The following CEMIP2 variants were observed in gnomAD, a reference collection of about 807,000 sequenced individuals.
The protein encoded by CEMIP2 is cell migration inducing hyaluronidase 2.
A neutral mutation model predicts 146.9 loss-of-function variants in CEMIP2; 79 were observed. That is an observed-to-expected ratio of 0.54 (90% CI 0.45 to 0.65). The LOEUF is 0.65. CEMIP2 is among the 30% of genes least tolerant of loss of function. CEMIP2 has a pLI of 0.00. For missense variants in CEMIP2, 1,596 were observed against 1,696.2 expected, an observed-to-expected ratio of 0.94 and a Z score of 1.04; for synonymous variants, 601 against 606.3, an observed-to-expected ratio of 0.99 and a Z score of 0.13.
At chr9:71,737,954 G>A (rs1349146053) in intron 5 of CEMIP2, among the ~76,000 whole-genome samples, 1 of 152,128 alleles carries the variant, frequency 6.6e-6, no homozygotes, top group Non-Finnish European at 1.5e-5. Context: ...AGAGACAGGA[G>A]CTATTATATT....
intron 12 of CEMIP2, among the ~76,000 whole-genome samples, chr9:71,718,676 A>G (rs1208067482): frequency 6.6e-6 from 1 of 152,048 alleles, no homozygotes; most frequent in Non-Finnish European, 1.5e-5. Flanking sequence ...TCCCGGGTTC[A>G]AGCATTTCTC....
intron 4 of CEMIP2, among the ~76,000 whole-genome samples, chr9:71,740,554 T>C (rs967189857): frequency 2.0e-5 from 3 of 152,200 alleles, no homozygotes; most frequent in Non-Finnish European, 2.9e-5. Context: ...ATCCATTTAC[T>C]TTCTCTTAAA....
intron 4 of CEMIP2, among the ~76,000 whole-genome samples, chr9:71,741,699 C>T (rs1189609176): frequency 3.3e-5 from 4 of 120,406 alleles, no homozygotes; most frequent in Non-Finnish European, 3.2e-5. Context: ...AGTGCAATGG[C>T]GTGATCTCGG....
rs1036273300 is a variant in CEMIP2, at chr9:71,766,727, CAGG to C, written c.-13+1627_-13+1629del. Among the ~76,000 whole-genome samples, 37 of 152,242 alleles carry C rather than the reference CAGG, an allele frequency of 2.4e-4. 2 individuals carry two copies. Among genetic ancestry groups the C allele is most frequent in the Non-Finnish European group, 2.9e-5 (2 of 68,044 alleles). ...CAGATTCTATTTCCCTGTCCACACA[CAGG>C]AGAGTCCTCAGCTCACTATCTCATT... On this transcript the variant is annotated intron_variant, in intron 1 of 23. Coordinates refer to ENST00000377044, the MANE Select transcript of CEMIP2 (RefSeq NM_013390.3).
intron 17 of CEMIP2, among the ~76,000 whole-genome samples, chr9:71,707,348 T>G (rs1289983478): frequency 2.0e-5 from 3 of 152,138 alleles, no homozygotes; most frequent in Non-Finnish European, 4.4e-5. Context: ...TTTTTAGTAT[T>G]TTTTATTTTT....
intron 7 of CEMIP2, among the ~76,000 whole-genome samples, chr9:71,732,080 G>T (rs371638404): frequency 0.07 from 10,655 of 151,276 alleles, 530 homozygotes; most frequent in South Asian, 0.19. Flanking sequence ...GTTTTGTTTT[G>T]TTTTTTGGTC....
chr9:71,720,140 T>C (rs1319588591), intron 12 of CEMIP2, among the ~76,000 whole-genome samples: 1 of 152,246 alleles, frequency 6.6e-6, no homozygotes, highest in Non-Finnish European at 1.5e-5. Context: ...CTGCTTTAAA[T>C]GTACTAGGTG....
At chr9:71,704,450 A>G (rs971022064) in intron 18 of CEMIP2, 145 bp downstream of exon 18, 3 of 771,794 alleles carry the variant, frequency 3.9e-6, no homozygotes, top group African/African-American at 3.5e-5. Flanking sequence ...TTCCATCAAC[A>G]CAAAATATAC....
rs536748034 is a variant in CEMIP2, at chr9:71,689,809, T to G, written c.3851+283A>C. On this transcript the variant is annotated intron_variant, in intron 22 of 23. Transcript: ENST00000377044. ...AAAATAAATAAAATAAAAAGTGGGATAGTAATGTTCCAAATAATGAGCTCT... is the reference window on the plus strand; with the variant it reads ...AAAATAAATAAAATAAAAAGTGGGAGAGTAATGTTCCAAATAATGAGCTCT... Among the ~76,000 whole-genome samples, 360 of 152,320 alleles carry G rather than the reference T, an allele frequency of 2.4e-3. 1 individual carries two copies. Among genetic ancestry groups the G allele is most frequent in the Middle Eastern group, 6.8e-3 (2 of 294 alleles).
At chr9:71,719,571 C>A (rs1161239401) in intron 12 of CEMIP2, among the ~76,000 whole-genome samples, 1 of 152,066 alleles carries the variant, frequency 6.6e-6, no homozygotes, top group Non-Finnish European at 1.5e-5. Flanking sequence ...GGAGACCAGT[C>A]AGAAGGATCT....
chr9:71,688,532 G>A (rs183532979), intron 22 of CEMIP2, among the ~76,000 whole-genome samples: 6 of 151,784 alleles, frequency 4.0e-5, no homozygotes, highest in South Asian at 4.2e-4. Flanking sequence ...GGGATTATAG[G>A]TGCCACCAAC....
chr9:71,755,313 C>A lies in CEMIP2; in HGVS notation c.-12-4928G>T, dbSNP rs574564727. Among the ~76,000 whole-genome samples, 7 of 146,158 alleles carry A rather than the reference C, an allele frequency of 4.8e-5. No individual in the cohort carries two copies. In the East Asian group the frequency reaches 1.4e-3, roughly 29 times the overall value. On this transcript the variant is annotated intron_variant, in intron 1 of 23. Coordinates refer to ENST00000377044, the MANE Select transcript of CEMIP2 (RefSeq NM_013390.3). ...ATTGCTTGAGGCCAGGAATTCAAGACCAGCCTGGGAACCTAGTGAGACACC... is the reference window on the plus strand; with the variant it reads ...ATTGCTTGAGGCCAGGAATTCAAGAACAGCCTGGGAACCTAGTGAGACACC...
chr9:71,743,356 C>G (rs1823978546), intron 4 of CEMIP2, among the ~76,000 whole-genome samples: 1 of 152,142 alleles, frequency 6.6e-6, no homozygotes, highest in Admixed American at 6.5e-5. Context: ...ACACAGGCAT[C>G]ACATTGCGGC....
At position 71,732,528 on chromosome 9, in the gene CEMIP2, A is replaced by G; in HGVS notation, c.1394-8T>C. ...GCAGGAACTGAGGGGTTTCTGGTTG[A>G]TATGAGCAAGGAAAAAAAAGAATAT... On this transcript the variant is annotated splice_region_variant and splice_polypyrimidine_tract_variant and intron_variant, in intron 6 of 23. Coordinates refer to ENST00000377044, the MANE Select transcript of CEMIP2 (RefSeq NM_013390.3). The G allele has an allele frequency of 6.3e-7, 1 of 1,577,924 alleles. No individual in the cohort carries two copies. The highest frequency in any genetic ancestry group is 8.6e-7 in the Non-Finnish European group (1 of 1,169,522).
chr9:71,732,542 A>C, intron 6 of CEMIP2, 22 bp from the exon 7 acceptor site: 3 of 1,569,762 alleles, frequency 1.9e-6, no homozygotes, highest in Non-Finnish European at 2.6e-6. Flanking sequence ...GAGCAAGGAA[A>C]AAAAAGAATA....
intron 12 of CEMIP2, among the ~76,000 whole-genome samples, chr9:71,721,032 A>G: frequency 6.6e-6 from 1 of 152,116 alleles, no homozygotes; most frequent in East Asian, 1.9e-4. Flanking sequence ...TACTCTATTC[A>G]TATATATACA....
intron 19 of CEMIP2, among the ~76,000 whole-genome samples, chr9:71,699,034 TAAAA>T (rs34810834): frequency 1.9e-4 from 25 of 132,848 alleles, no homozygotes; most frequent in Non-Finnish European, 3.5e-4. Context: ...CTGAGAGCAT[TAAAA>T]AAAAAAAAAA....
intron 18 of CEMIP2, among the ~76,000 whole-genome samples, chr9:71,702,088 T>C (rs1167882975): frequency 6.6e-6 from 1 of 151,876 alleles, no homozygotes; most frequent in East Asian, 1.9e-4. Context: ...CAAAACCACA[T>C]CTGTATAAAA....
chr9:71,765,894 G>A (rs896883884), intron 1 of CEMIP2, among the ~76,000 whole-genome samples: 13 of 152,104 alleles, frequency 8.5e-5, no homozygotes, highest in African/African-American at 3.1e-4. Flanking sequence ...TGCTTCCAGA[G>A]GGTCTGGACC....
Sources: gnomAD v4.1 joint callset for allele counts (sites outside exome capture counted in the v4.1 genomes callset) on GRCh38, gnomAD v4.1.1 for gene constraint, MANE v1.5 for transcripts, NCBI Gene and HGNC (gene_info 2026-07-23, HGNC 2026-07-21) for gene names.